Variants in MTMR2 observed in about 807,000 individuals in gnomAD.
MTMR2 encodes the protein myotubularin related protein 2, also known as phosphatidylinositol-3,5-bisphosphate 3-phosphatase MTMR2.
MTMR2 carries 55 observed loss-of-function variants against 86.9 expected under a neutral mutation model. The ratio of observed to expected loss-of-function variants is 0.63; its 90% CI spans 0.51 to 0.79. The LOEUF is 0.79. MTMR2 is among the 30% of genes least tolerant of loss of function. MTMR2 has a pLI of 0.00. For synonymous variants in MTMR2, 241 were observed against 266.8 expected, an observed-to-expected ratio of 0.90 and a Z score of 0.94; for missense variants, 659 against 772.3, an observed-to-expected ratio of 0.85 and a Z score of 1.74.
Position 95,847,702 on chromosome 11 carries a change from A to T in MTMR2, c.1179+12T>A. On this transcript the variant is annotated intron_variant, in intron 10 of 14. Transcript: ENST00000346299. ...GAGAGTCTTTGTTTGGGATATAGTA[A>T]CACACACCCACCTTAATATGTTCTA... is the stretch of plus-strand genomic sequence containing the variant. 1 of 1,583,864 alleles carries T rather than the reference A, an allele frequency of 6.3e-7. No individual in the cohort carries two copies.
chr11:95,838,107 T>C lies in MTMR2; in HGVS notation c.1580A>G (p.Gln527Arg), dbSNP rs1184465893. The change falls in exon 13 of 15, where the codon CAG (glutamine) becomes CGG (arginine). Residue 527 changes from glutamine to arginine, a missense_variant. Coordinates refer to ENST00000346299, the MANE Select transcript of MTMR2 (RefSeq NM_016156.6). ...FGTFLCNSEQ[Q>R]RGKENLPKRT... ...TTCATATTTTACCTCTTTTCCTCTC[T>C]GTTGTTCACTATTACAGAGGAATGT... 1.3e-6 allele frequency: 2 copies of C among 1,598,730 alleles called. No homozygotes were observed. Among genetic ancestry groups the C allele is most frequent in the African/African-American group, 2.7e-5 (2 of 74,638 alleles).
intron 1 of MTMR2, among the ~76,000 whole-genome samples, chr11:95,901,997 G>C (rs1479408554): frequency 6.6e-6 from 1 of 152,148 alleles, no homozygotes; most frequent in Non-Finnish European, 1.5e-5. Context: ...GAATCCATGT[G>C]ATATTATAAG....
intron 1 of MTMR2, among the ~76,000 whole-genome samples, chr11:95,894,912 T>C (rs1369423059): frequency 6.6e-6 from 1 of 152,160 alleles, no homozygotes; most frequent in Non-Finnish European, 1.5e-5. Context: ...GTTACTGTTT[T>C]CTACATTACA....
At chr11:95,890,323 T>G (rs1865671820) in intron 1 of MTMR2, among the ~76,000 whole-genome samples, 1 of 152,200 alleles carries the variant, frequency 6.6e-6, no homozygotes, top group Non-Finnish European at 1.5e-5. Context: ...TAACCAAATT[T>G]TAAGCACAGT....
chr11:95,837,601 CTT>C (rs1863340121), intron 13 of MTMR2, among the ~76,000 whole-genome samples: 1 of 152,040 alleles, frequency 6.6e-6, no homozygotes, highest in South Asian at 2.1e-4. Context: ...AAAACTTTAA[CTT>C]TCTACATACT....
rs3824874 is a variant in MTMR2 at position 95,923,947 on chromosome 11, T to C, written c.8A>G (p.Lys3Arg). MEKSSSCESLGSQ... is the reference protein window; with the variant it reads MERSSSCESLGSQ... Reference sequence around the variant, plus strand: ...GCCAAGACTCTCGCAGCTCGAGCTCTTCTCCATCGCGCGGCAGGGGCAGCA... The same window carrying C: ...GCCAAGACTCTCGCAGCTCGAGCTCCTCTCCATCGCGCGGCAGGGGCAGCA... Residue 3 changes from lysine to arginine, a missense_variant, in exon 1 of 15, where the codon AAG becomes AGG. Physicochemically the swap from Lys to Arg is conservative, Grantham distance 26 (BLOSUM62 2). Around this residue, in one of 3 missense-constraint regions of MTMR2, gnomAD observed 79 missense variants for 54.4 expected, o/e 1.45. Transcript: ENST00000346299. 8.3e-6 allele frequency: 13 copies of C among 1,558,762 alleles called. No individual in the cohort carries two copies. In the South Asian group the frequency reaches 1.4e-4, roughly 17 times the overall value.
Position 95,862,311 on chromosome 11 carries a change from A to T in MTMR2, c.318T>A (p.Thr106=), listed in dbSNP as rs757164725. 1 of 1,614,022 alleles carries T rather than the reference A, an allele frequency of 6.2e-7. No individual in the cohort carries two copies. The highest frequency in any genetic ancestry group is 1.3e-5 in the African/African-American group (1 of 74,946). Residue 106 remains threonine (T), a synonymous_variant, in exon 4 of 15, where the codon ACT becomes ACA. Transcript: ENST00000346299. The stretch of plus-strand genomic sequence containing the variant: ...TGAAATATAACCTATAATTCGTGAC[A>T]GTCAGAGTTCCTCGTACAGCGCCAG... ...PFTGAVRGTL[T]VTNYRLYFKS... is the part of the protein sequence containing the mutation.
Position 95,923,896 on chromosome 11 carries a change from G to T in MTMR2, c.59C>A (p.Pro20His). The T allele has an allele frequency of 6.4e-7, 1 of 1,557,406 alleles. No individual in the cohort carries two copies. The highest frequency in any genetic ancestry group is 8.7e-7 in the Non-Finnish European group (1 of 1,150,574). The change falls in exon 1 of 15, where the codon CCC (proline) becomes CAC (histidine). Residue 20 changes from proline to histidine, a missense_variant. By Grantham distance (77) the Pro-to-His change is moderately conservative. Transcript: ENST00000346299. ...LGSQPAAARPPSVDSLSSAST... is the reference protein window; with the variant it reads ...LGSQPAAARPHSVDSLSSAST... ...TTACCTGGACAAGGAGTCCACGCTG[G>T]GCGGCCGAGCCGCCGCCGGCTGGGA... is the stretch of plus-strand genomic sequence containing the variant.
At chr11:95,837,478 T>C (rs561089384) in intron 13 of MTMR2, among the ~76,000 whole-genome samples, 4 of 152,148 alleles carry the variant, frequency 2.6e-5, no homozygotes, top group East Asian at 3.9e-4. Context: ...TGTTGATACA[T>C]AGGATAGACA....
chr11:95,855,310 C>CAGAGCAG (rs1864169979), intron 7 of MTMR2, among the ~76,000 whole-genome samples: 1 of 152,160 alleles, frequency 6.6e-6, no homozygotes, highest in Admixed American at 6.5e-5. Context: ...AGCTTGAGTG[C>CAGAGCAG]AGTGGCACAT....
chr11:95,837,085 T>C (rs1237684483), intron 13 of MTMR2, among the ~76,000 whole-genome samples: 1 of 152,100 alleles, frequency 6.6e-6, no homozygotes, highest in East Asian at 1.9e-4. Context: ...TTAGCTATGC[T>C]ATTTCTAATG....
chr11:95,876,684 CTACA>C (rs1301420638), intron 2 of MTMR2, among the ~76,000 whole-genome samples: 1 of 152,134 alleles, frequency 6.6e-6, no homozygotes, highest in East Asian at 1.9e-4. Flanking sequence ...TTTATTCCTA[CTACA>C]TAATCAGTTT....
chr11:95,838,165 TG>T lies in MTMR2; in HGVS notation c.1521del (p.Ile508PhefsTer37), dbSNP rs759161985. On this transcript the variant is annotated frameshift_variant, in exon 13 of 15. Coordinates refer to ENST00000346299, the MANE Select transcript of MTMR2 (RefSeq NM_016156.6). LOFTEE classifies it high-confidence loss of function. ...AFEFNEYFLITILDHLYSCLF... is the reference protein window; with the variant it reads ...AFEFNEYFLIXILDHLYSCLF... ...AAGCAGCTGTATAGGTGGTCCAAAA[TG>T]GTAATGAGAAAATACTCATTGAATT... 6.2e-7 allele frequency: 1 copy of T among 1,611,132 alleles called. No homozygotes were observed. The highest frequency in any genetic ancestry group is 1.1e-5 in the South Asian group (1 of 91,036).
chr11:95,920,734 C>G (rs1036571903), intron 1 of MTMR2, among the ~76,000 whole-genome samples: 3 of 152,080 alleles, frequency 2.0e-5, no homozygotes, highest in Admixed American at 6.5e-5. Flanking sequence ...TGGAGTATGT[C>G]ATTTTCATTT....
In MTMR2 at chr11:95,877,331, C is replaced by CTTTTTTTTTTTTTTTTTTTTTTT. The variant is rs1565368414; in HGVS notation, c.186+10824_186+10825insAAAAAAAAAAAAAAAAAAAAAAA. Among the ~76,000 whole-genome samples the CTTTTTTTTTTTTTTTTTTTTTTT allele has an allele frequency of 1.2e-4, 11 of 94,718 alleles. 4 individuals are homozygous for CTTTTTTTTTTTTTTTTTTTTTTT. Among genetic ancestry groups the CTTTTTTTTTTTTTTTTTTTTTTT allele is most frequent in the African/African-American group, 4.0e-4 (8 of 20,154 alleles). The allele number at this position is 94,718 out of a possible 152,430, so 62.1% of individuals were successfully genotyped here. A position where few individuals can be genotyped will look rare whatever the true frequency, so the allele number is the denominator to read the frequency against. ...CATTCAAGATCAAGCACAGGGAAGC[C>CTTTTTTTTTTTTTTTTTTTTTTT]CTTTTTTTTTTTTTTTTTTTTTTTT... is the stretch of plus-strand genomic sequence containing the variant. On this transcript the variant is annotated intron_variant, in intron 2 of 14. Coordinates refer to ENST00000346299, the MANE Select transcript of MTMR2 (RefSeq NM_016156.6).
chr11:95,893,087 T>C (rs1457981134), intron 1 of MTMR2, among the ~76,000 whole-genome samples: 1 of 152,066 alleles, frequency 6.6e-6, no homozygotes, highest in African/African-American at 2.4e-5. Flanking sequence ...CACCCACCCA[T>C]CCTCCTCACT....
intron 2 of MTMR2, among the ~76,000 whole-genome samples, chr11:95,880,357 T>A (rs1865279979): frequency 6.6e-6 from 1 of 152,124 alleles, no homozygotes; most frequent in Non-Finnish European, 1.5e-5. Flanking sequence ...TCATAGAATA[T>A]ACCACAATTT....
chr11:95,878,209 T>C (rs917401339), intron 2 of MTMR2, among the ~76,000 whole-genome samples: 2 of 146,316 alleles, frequency 1.4e-5, no homozygotes, highest in Non-Finnish European at 3.0e-5. Context: ...GCACACTAGA[T>C]GATTCTAACT....
intron 1 of MTMR2, among the ~76,000 whole-genome samples, chr11:95,920,812 A>G (rs1434480342): frequency 1.3e-5 from 2 of 152,288 alleles, no homozygotes; most frequent in East Asian, 3.9e-4. Flanking sequence ...TATGTTGCCC[A>G]GGCTGGTCTC....
Sources: allele counts gnomAD v4.1 joint callset (sites outside exome capture counted in the v4.1 genomes callset), GRCh38; gene constraint gnomAD v4.1.1; regional missense constraint gnomAD v4.1.1; transcripts MANE v1.5; gene names NCBI Gene and HGNC (gene_info 2026-07-23, HGNC 2026-07-21).